The following VTI1A variants were observed in gnomAD, a reference collection of about 807,000 sequenced individuals.
VTI1A encodes the protein vesicle transport through interaction with t-SNAREs homolog 1A.
A neutral mutation model predicts 34.9 loss-of-function variants in VTI1A; 22 were observed. The ratio of observed to expected loss-of-function variants is 0.63; its 90% CI spans 0.45 to 0.90. The LOEUF (loss-of-function observed/expected upper bound fraction) is 0.90, where lower values mean the gene tolerates loss of function less well. Among genes scored for constraint, VTI1A ranks in the 40% least tolerant of loss-of-function variants. The probability of loss-of-function intolerance (pLI) is 0.00; values close to 1 mark genes in which losing one functional copy is unlikely to be tolerated. For synonymous variants in VTI1A, 87 were observed against 97.3 expected, an observed-to-expected ratio of 0.89 and a Z score of 0.62; for missense variants, 268 against 275.6, an observed-to-expected ratio of 0.97 and a Z score of 0.20.
At chr10:112,542,031 AC>A (rs1467567877) in intron 5 of VTI1A, among the ~76,000 whole-genome samples, 1 of 152,042 alleles carries the variant, frequency 6.6e-6, no homozygotes, top group East Asian at 1.9e-4. Flanking sequence ...GTCAGATATG[AC>A]TTTTAGCTAT....
chr10:112,819,894 CAG>C (rs1238623553), downstream of VTI1A, among the ~76,000 whole-genome samples: 1 of 152,170 alleles, frequency 6.6e-6, no homozygotes, highest in East Asian at 1.9e-4. Context: ...GGGTCAATAT[CAG>C]GGAATGGGAA....
At chr10:112,585,673 T>C (rs1285383274) in intron 5 of VTI1A, among the ~76,000 whole-genome samples, 4 of 151,264 alleles carry the variant, frequency 2.6e-5, no homozygotes, top group Non-Finnish European at 5.9e-5. Context: ...CTTTTTTTTT[T>C]TTTTTTTTTT....
intron 3 of VTI1A, among the ~76,000 whole-genome samples, chr10:112,473,422 T>A (rs1017577621): frequency 6.6e-6 from 1 of 152,158 alleles, no homozygotes; most frequent in Non-Finnish European, 1.5e-5. Context: ...CATTTTTTTT[T>A]AAATAAAAGA....
the VTI1A span, among the ~76,000 whole-genome samples, chr10:112,830,849 A>ATATTTTTTTTTTTTTTTT: frequency 1.2e-4 from 4 of 33,496 alleles, no homozygotes; most frequent in East Asian, 1.5e-3. Context: ...ATATATATAT[A>ATATTTTTTTTTTTTTTTT]TTTTTTTTTT....
chr10:112,575,955 T>C (rs1589924784), intron 5 of VTI1A, among the ~76,000 whole-genome samples: 1 of 152,098 alleles, frequency 6.6e-6, no homozygotes, highest in Non-Finnish European at 1.5e-5. Context: ...AATTTTTCTT[T>C]GTTTGTTCAT....
At chr10:112,640,551 A>G (rs950514611) in intron 5 of VTI1A, among the ~76,000 whole-genome samples, 2 of 152,098 alleles carry the variant, frequency 1.3e-5, no homozygotes, top group African/African-American at 4.8e-5. Flanking sequence ...AAAACAAACA[A>G]CAACAACAAC....
chr10:112,712,961 G>T (rs1849479102), intron 7 of VTI1A, among the ~76,000 whole-genome samples: 6 of 152,178 alleles, frequency 3.9e-5, no homozygotes, highest in African/African-American at 7.2e-5. Flanking sequence ...GCCTCAGAAT[G>T]CTGGGGCCAC....
intron 7 of VTI1A, among the ~76,000 whole-genome samples, chr10:112,810,293 C>T (rs887491926): frequency 1.3e-5 from 2 of 149,820 alleles, no homozygotes; most frequent in Non-Finnish European, 3.0e-5. Context: ...ATCCCAAGTA[C>T]TTGGGAGGCT....
At chr10:112,772,502 A>G (rs558847737) in intron 7 of VTI1A, among the ~76,000 whole-genome samples, 25 of 152,306 alleles carry the variant, frequency 1.6e-4, no homozygotes, top group African/African-American at 5.8e-4. Flanking sequence ...GTGTCTTCTT[A>G]CTTTCTTGAT....
At chr10:112,776,072 A>G (rs1364596629) in intron 7 of VTI1A, among the ~76,000 whole-genome samples, 1 of 152,210 alleles carries the variant, frequency 6.6e-6, no homozygotes, top group East Asian at 1.9e-4. Context: ...CTTGGTGCAG[A>G]GTCTATTGAT....
rs758797643 is a variant in VTI1A at position 112,815,393 on chromosome 10, T to C, written c.*10T>C. The C allele has an allele frequency of 7.5e-6, 12 of 1,607,726 alleles. No homozygotes were observed. The South Asian group carries it at 1.1e-4, about 15-fold the overall frequency. On this transcript the variant is annotated 3_prime_UTR_variant, in exon 8 of 8. Transcript: ENST00000393077. ...TGTCAGAAGACACTGATGTATCTGC[T>C]CTCCCTTGATAAACAGCAACAACAG...
chr10:112,534,924 G>T (rs117145921), intron 4 of VTI1A, among the ~76,000 whole-genome samples: 1 of 152,110 alleles, frequency 6.6e-6, no homozygotes, highest in Admixed American at 6.6e-5. Flanking sequence ...AAGAAACTAC[G>T]TGAAGCCCTT....
chr10:112,642,247 G>A (rs1385817574), intron 5 of VTI1A, among the ~76,000 whole-genome samples: 1 of 152,068 alleles, frequency 6.6e-6, no homozygotes, highest in Non-Finnish European at 1.5e-5. Context: ...CATGTGTTCT[G>A]TGATTATTAA....
At position 112,642,963 on chromosome 10, in the gene VTI1A, CT is replaced by C. The variant is rs1358672405; in HGVS notation, c.428-25247del. Reference sequence around the variant, plus strand: ...GTGCATAATTATCTGAGCATGTTTTCTTTTTTTTCTTTTCTTTTTTTTTTTT... The same window carrying C: ...GTGCATAATTATCTGAGCATGTTTTCTTTTTTTCTTTTCTTTTTTTTTTTT... On this transcript the variant is annotated intron_variant, in intron 5 of 7. Coordinates refer to ENST00000393077, the MANE Select transcript of VTI1A (RefSeq NM_145206.4). Among the ~76,000 whole-genome samples the C allele has an allele frequency of 2.9e-5, 4 of 137,246 alleles. No homozygotes were observed. In the South Asian group the frequency reaches 7.1e-4, roughly 24 times the overall value. The allele number at this position is 137,246 out of a possible 152,430, so 90.0% of individuals were successfully genotyped here. A position where few individuals can be genotyped will look rare whatever the true frequency, so the allele number is the denominator to read the frequency against.
chr10:112,496,333 G>A (rs1015444868), intron 3 of VTI1A, among the ~76,000 whole-genome samples: 9 of 152,230 alleles, frequency 5.9e-5, no homozygotes, highest in Non-Finnish European at 2.9e-5. Context: ...ACTTTGGGAG[G>A]CTGAGGCAGG....
At chr10:112,825,080 A>G in the VTI1A span, 1 of 152,272 alleles carries the variant, frequency 6.6e-6, no homozygotes. Flanking sequence ...AAGGCTCTGC[A>G]GTCACTGTCT....
chr10:112,673,494 T>C (rs532475427), intron 7 of VTI1A, among the ~76,000 whole-genome samples: 15 of 143,594 alleles, frequency 1.0e-4, no homozygotes, highest in African/African-American at 3.3e-4. Flanking sequence ...GCACTCAGAT[T>C]GTTTCCTTCA....
chr10:112,578,510 A>G (rs1843797726), intron 5 of VTI1A, among the ~76,000 whole-genome samples: 1 of 152,212 alleles, frequency 6.6e-6, no homozygotes, highest in African/African-American at 2.4e-5. Context: ...TAGCCAGTCA[A>G]ACCTCTGGGA....
chr10:112,560,392 AAAG>A (rs1409252826), intron 5 of VTI1A, among the ~76,000 whole-genome samples: 1 of 152,120 alleles, frequency 6.6e-6, no homozygotes, highest in Non-Finnish European at 1.5e-5. Flanking sequence ...TTATGTCTTC[AAAG>A]AAGACTACCC....
Sources: allele counts gnomAD v4.1 joint callset (sites outside exome capture counted in the v4.1 genomes callset), GRCh38; gene constraint gnomAD v4.1.1; transcripts MANE v1.5; gene names NCBI Gene and HGNC (gene_info 2026-07-23, HGNC 2026-07-21).